The following SLC26A8 variants were observed in gnomAD, a reference collection of about 807,000 sequenced individuals.
SLC26A8 encodes testis anion transporter 1.
SLC26A8 carries 70 observed loss-of-function variants against 105.0 expected under a neutral mutation model. The ratio of observed to expected loss-of-function variants is 0.67; its 90% CI spans 0.55 to 0.81. The LOEUF (loss-of-function observed/expected upper bound fraction) is 0.81. Ranked by LOEUF, SLC26A8 falls within the 40% of genes least tolerant of loss-of-function variation. The pLI is 0.00. For missense variants in SLC26A8, 998 were observed against 1,181.8 expected (o/e 0.84, Z 2.28); for synonymous variants, 415 against 438.3 (o/e 0.95, Z 0.66).
At chr6:35,970,274 G>A (rs578017664) in intron 10 of SLC26A8, among the ~76,000 whole-genome samples, 2 of 152,108 alleles carry the variant, frequency 1.3e-5, no homozygotes, top group Non-Finnish European at 2.9e-5. Flanking sequence ...GTTCCCTCTC[G>A]CTACTCATTG....
chr6:36,017,656 A>G (rs113656037), intron 2 of SLC26A8, among the ~76,000 whole-genome samples: 41 of 152,140 alleles, frequency 2.7e-4, no homozygotes, highest in Middle Eastern at 3.4e-3. Context: ...AAAACAAAAC[A>G]AAACACCAAA....
intron 5 of SLC26A8, among the ~76,000 whole-genome samples, chr6:35,993,783 T>G (rs1313727997): frequency 1.3e-5 from 2 of 152,140 alleles, no homozygotes; most frequent in African/African-American, 2.4e-5. Context: ...CTCAGCACTT[T>G]GGGAGGCTCA....
At chr6:35,970,732 A>C (rs561875431) in intron 10 of SLC26A8, among the ~76,000 whole-genome samples, 18 of 152,320 alleles carry the variant, frequency 1.2e-4, no homozygotes, top group African/African-American at 4.1e-4. Flanking sequence ...TAAGTTGTAT[A>C]AAACTAGGTT....
At chr6:35,980,659 G>A (rs1055524377) in intron 8 of SLC26A8, among the ~76,000 whole-genome samples, 3 of 152,062 alleles carry the variant, frequency 2.0e-5, no homozygotes, top group Admixed American at 6.6e-5. Flanking sequence ...TTCAGCCATC[G>A]TCAGATTTCA....
chr6:36,023,378 G>A (rs1762174727), intron 1 of SLC26A8, among the ~76,000 whole-genome samples: 1 of 151,780 alleles, frequency 6.6e-6, no homozygotes, highest in Non-Finnish European at 1.5e-5. Flanking sequence ...GTGAAACCCC[G>A]TCTCTAATAA....
In SLC26A8 at chr6:35,960,133, GC is replaced by G. The variant is rs568942059; in HGVS notation, c.1639-328del. 1.3e-3 allele frequency: 265 copies of G among 200,058 alleles called. 1 individual carries two copies. The highest frequency in any genetic ancestry group is 6.1e-3 in the African/African-American group (257 of 42,108). The allele number at this position is 200,058 out of a possible 1,614,324, so 12.4% of individuals were successfully genotyped here. A position where few individuals can be genotyped will look rare whatever the true frequency, so the allele number is the denominator to read the frequency against. On this transcript the variant is annotated intron_variant, in intron 14 of 19. Transcript: ENST00000490799. ...CATGTTGGCCACGCTGGTCTCAAAT[GC>G]CTGGCCTCCCAAAGTGCTGGAATTA...
chr6:35,953,456 C>T (rs1771948957), intron 17 of SLC26A8, among the ~76,000 whole-genome samples: 1 of 152,170 alleles, frequency 6.6e-6, no homozygotes, highest in African/African-American at 2.4e-5. Flanking sequence ...TGGCCTGTCT[C>T]TCAAGGCAGT....
chr6:35,964,739 G>A (rs1019719976), intron 11 of SLC26A8, among the ~76,000 whole-genome samples: 7 of 152,014 alleles, frequency 4.6e-5, no homozygotes, highest in African/African-American at 1.7e-4. Flanking sequence ...GCTGAGGTGA[G>A]TGGATCATTT....
intron 7 of SLC26A8, among the ~76,000 whole-genome samples, chr6:35,987,908 TTTC>T (rs1006148519): frequency 5.2e-5 from 5 of 96,370 alleles, no homozygotes; most frequent in African/African-American, 1.8e-4. Context: ...GCAACCTTTC[TTTC>T]TTTTTTTTTT....
chr6:35,977,270 G>C lies in SLC26A8; in HGVS notation c.1107C>G (p.Ser369=). 1 of 1,614,048 alleles carries C rather than the reference G, an allele frequency of 6.2e-7. No homozygotes were observed. The highest frequency in any genetic ancestry group is 8.5e-7 in the Non-Finnish European group (1 of 1,179,972). ...TCTTGCCCAGAAATATGAGCAGAAA[G>C]GAGCTCACCAAAGATAAGGAGAAGG... ...LQAFSLSLVS[S]FLLIFLGKKI... Residue 369 remains serine (S), a synonymous_variant, in exon 9 of 20, where the codon TCC becomes TCG. Transcript: ENST00000490799.
intron 11 of SLC26A8, among the ~76,000 whole-genome samples, chr6:35,968,589 A>ATGTG (rs1281355415): frequency 9.1e-4 from 56 of 61,406 alleles, no homozygotes; most frequent in African/African-American, 1.8e-3. Flanking sequence ...ATATGTGTGT[A>ATGTG]TGTGTGTGTG....
At chr6:35,958,514 G>GTA (rs1176743495) in intron 16 of SLC26A8, among the ~76,000 whole-genome samples, 1 of 150,342 alleles carries the variant, frequency 6.7e-6, no homozygotes, top group Non-Finnish European at 1.5e-5. Context: ...AACAAGCCAG[G>GTA]TATGGTGCTC....
At chr6:35,987,911 CT>C (rs34557500) in intron 7 of SLC26A8, among the ~76,000 whole-genome samples, 104,131 of 131,988 alleles carry the variant, frequency 0.79, 41,230 homozygotes, top group East Asian at 0.9. Flanking sequence ...ACCTTTCTTT[CT>C]TTTTTTTTTT....
At chr6:35,984,809 T>C (rs1773426656) in intron 7 of SLC26A8, among the ~76,000 whole-genome samples, 1 of 152,194 alleles carries the variant, frequency 6.6e-6, no homozygotes. Context: ...TCCCATCTCT[T>C]GGCCAAGGGA....
chr6:36,000,153 G>T, intron 3 of SLC26A8, 45 bp from the exon 4 acceptor site: 2 of 1,268,152 alleles, frequency 1.6e-6, no homozygotes, highest in Non-Finnish European at 2.3e-6. Flanking sequence ...GTCTTTAAAA[G>T]TCACCTTAAA....
intron 10 of SLC26A8, among the ~76,000 whole-genome samples, chr6:35,970,863 TA>T (rs1772770976): frequency 6.6e-6 from 1 of 151,890 alleles, no homozygotes; most frequent in African/African-American, 2.4e-5. Context: ...CCACCTCTAC[TA>T]AAAATACAAA....
intron 10 of SLC26A8, among the ~76,000 whole-genome samples, chr6:35,970,179 A>G (rs1772732641): frequency 1.3e-5 from 2 of 152,186 alleles, no homozygotes; most frequent in Admixed American, 1.3e-4. Flanking sequence ...CTCGATTCTA[A>G]TCTACCAAAG....
At chr6:36,022,394 T>TA (rs1762148252) in intron 1 of SLC26A8, among the ~76,000 whole-genome samples, 1 of 152,214 alleles carries the variant, frequency 6.6e-6, no homozygotes, top group Non-Finnish European at 1.5e-5. Context: ...TGTGGCTATT[T>TA]AAACTTAAAA....
intron 9 of SLC26A8, 110 bp downstream of exon 9, chr6:35,977,094 C>T (rs1773066489): frequency 8.1e-7 from 1 of 1,241,174 alleles, no homozygotes; most frequent in African/African-American, 1.5e-5. Flanking sequence ...ACTGTCCAAA[C>T]CATGGTCCAA....
Sources: gnomAD v4.1 joint callset for allele counts (sites outside exome capture counted in the v4.1 genomes callset) on GRCh38, gnomAD v4.1.1 for gene constraint, MANE v1.5 for transcripts, NCBI Gene and HGNC (gene_info 2026-07-23, HGNC 2026-07-21) for gene names.